SH3BP5L: variants seen among roughly 807,000 people sequenced by gnomAD.
SH3BP5L encodes SH3 domain-binding protein 5-like.
Under a neutral mutation model 40.9 loss-of-function variants are expected in SH3BP5L, and 16 were observed. The observed-to-expected ratio is 0.39, with a 90% CI of 0.27 to 0.59. The LOEUF (loss-of-function observed/expected upper bound fraction) is 0.59, where lower values mean the gene tolerates loss of function less well. Ranked by LOEUF, SH3BP5L falls within the 20% of genes least tolerant of loss-of-function variation. The pLI, the probability that SH3BP5L is intolerant of heterozygous loss-of-function variation, is 0.53. For missense variants in SH3BP5L, 471 were observed against 544.6 expected, an observed-to-expected ratio of 0.86 and a Z score of 1.35; for synonymous variants, 229 against 226.7, an observed-to-expected ratio of 1.01 and a Z score of -0.09.
At chr1:248,825,456 TACACTCTC>T in intron 1 of SH3BP5L, 90 bp from the exon 2 acceptor site, 2 of 905,788 alleles carry the variant, frequency 2.2e-6, no homozygotes, top group South Asian at 9.9e-5. Flanking sequence ...TCCCAAAAAC[TACACTCTC>T]ACCACGCCCC....
In SH3BP5L at chr1:248,824,823, C is replaced by A; in HGVS notation, c.113G>T (p.Gly38Val). 1 of 1,614,230 alleles carries A rather than the reference C, an allele frequency of 6.2e-7. No individual in the cohort carries two copies. The highest frequency in any genetic ancestry group is 8.5e-7 in the Non-Finnish European group (1 of 1,180,042). ...GGCCTCACTGCTGCTGCTTCCACCTCCTCCAGGCTCTTCTGCGACTGGGCT... is the reference window on the plus strand; with the variant it reads ...GGCCTCACTGCTGCTGCTTCCACCTACTCCAGGCTCTTCTGCGACTGGGCT... ...PRSPVAEEPG[G>V]GGSSSSEAKL... Residue 38 changes from glycine (G) to valine (V), a missense_variant, in exon 2 of 7, where the codon GGA becomes GTA. Coordinates refer to ENST00000366472, the MANE Select transcript of SH3BP5L (RefSeq NM_030645.3).
intron 2 of SH3BP5L, among the ~76,000 whole-genome samples, chr1:248,822,789 A>T (rs1664284842): frequency 6.7e-6 from 1 of 150,336 alleles, no homozygotes; most frequent in African/African-American, 2.5e-5. Flanking sequence ...CAACCCCCCA[A>T]GTAGCTGGGA....
At chr1:248,820,786 T>C (rs1664238367) in intron 2 of SH3BP5L, 1 of 152,194 alleles carries the variant, frequency 6.6e-6, no homozygotes, top group African/African-American at 2.4e-5. Context: ...GCAATGTTCA[T>C]GTGGCAAATC....
intron 2 of SH3BP5L, among the ~76,000 whole-genome samples, chr1:248,818,069 C>T (rs1664152995): frequency 6.6e-6 from 1 of 150,940 alleles, no homozygotes; most frequent in Admixed American, 6.6e-5. Context: ...GAGGCTGGGA[C>T]AGGCATGGTG....
At chr1:248,820,997 T>G (rs1183243775) in intron 2 of SH3BP5L, 1 of 152,256 alleles carries the variant, frequency 6.6e-6, no homozygotes, top group African/African-American at 2.4e-5. Flanking sequence ...AGCTTCCCAG[T>G]GGCACCTCCA....
At position 248,816,719 on chromosome 1, in the gene SH3BP5L, T is replaced by C. The variant is rs1262319159; in HGVS notation, c.247-57A>G. The C allele has an allele frequency of 6.2e-6, 10 of 1,613,026 alleles. No homozygotes were observed. In the Admixed American group the frequency reaches 1.0e-4, roughly 16 times the overall value. On this transcript the variant is annotated intron_variant, in intron 3 of 6. Transcript: ENST00000366472. Reference sequence around the variant, plus strand: ...TGTTTGGGTCCCAGCCCCTCTTGTTTCTCAGACACACCCCTCCCACCGCCA... The same window carrying C: ...TGTTTGGGTCCCAGCCCCTCTTGTTCCTCAGACACACCCCTCCCACCGCCA...
At chr1:248,823,067 T>C (rs541227165) in intron 2 of SH3BP5L, among the ~76,000 whole-genome samples, 44 of 152,318 alleles carry the variant, frequency 2.9e-4, no homozygotes, top group African/African-American at 1.0e-3. Context: ...TGACTCTTCC[T>C]ACTACTACCA....
In SH3BP5L at chr1:248,810,820, C is replaced by T. The variant is rs1217392465; in HGVS notation, c.*1080G>A. The T allele has an allele frequency of 6.6e-6, 1 of 152,636 alleles. No homozygotes were observed. The highest frequency in any genetic ancestry group is 2.4e-5 in the African/African-American group (1 of 41,454). The allele number at this position is 152,636 out of a possible 1,614,324, so 9.5% of individuals were successfully genotyped here. A position where few individuals can be genotyped will look rare whatever the true frequency, so the allele number is the denominator to read the frequency against. ...TCCCTGCGGAGGGCAGAACTTTTCA[C>T]CCCAAGCCAACCCCTCCCTGTAACA... On this transcript the variant is annotated 3_prime_UTR_variant, in exon 7 of 7. Transcript: ENST00000366472.
chr1:248,819,334 C>T (rs906795185), intron 2 of SH3BP5L, among the ~76,000 whole-genome samples: 1 of 151,292 alleles, frequency 6.6e-6, no homozygotes, highest in African/African-American at 2.4e-5. Context: ...CTGGGACACA[C>T]TGGAAGAAGA....
rs1012392367 is a variant in SH3BP5L, at chr1:248,811,615, A to G, written c.*285T>C. ...AGCAGAAAGGGAAAGCAAAGGGTCA[A>G]TGCCCTGCAGATCGTGATGAGCTGG... On this transcript the variant is annotated 3_prime_UTR_variant, in exon 7 of 7. Coordinates refer to ENST00000366472, the MANE Select transcript of SH3BP5L (RefSeq NM_030645.3). 2.0e-5 allele frequency: 9 copies of G among 461,530 alleles called. No homozygotes were observed. Among genetic ancestry groups the G allele is most frequent in the Non-Finnish European group, 2.7e-5 (7 of 260,780 alleles). 28.6% of individuals were successfully genotyped at this position (461,530 alleles called of 1,614,324 possible).
At chr1:248,824,562 A>G (rs561452505) in intron 2 of SH3BP5L, among the ~76,000 whole-genome samples, 191 bp downstream of exon 2, 2 of 152,300 alleles carry the variant, frequency 1.3e-5, no homozygotes, top group East Asian at 3.9e-4. Flanking sequence ...TCTGCACTCC[A>G]TCAGCACTTC....
At chr1:248,817,989 T>C (rs1029480653) in intron 2 of SH3BP5L, among the ~76,000 whole-genome samples, 1 of 152,188 alleles carries the variant, frequency 6.6e-6, no homozygotes, top group African/African-American at 2.4e-5. Flanking sequence ...CTTTCTGCAA[T>C]GGCAAAAGGG....
chr1:248,821,525 G>T lies in SH3BP5L; in HGVS notation c.183+3228C>A, dbSNP rs940434915. Among the ~76,000 whole-genome samples the T allele has an allele frequency of 2.0e-5, 3 of 152,114 alleles. No homozygotes were observed. The highest frequency in any genetic ancestry group is 7.2e-5 in the African/African-American group (3 of 41,418). ...AGCTAAACCCATACTTCTAGATGAG[G>T]TCACAGAGGTTGCAAAGTCACCCTA... On this transcript the variant is annotated intron_variant, in intron 2 of 6. Transcript: ENST00000366472. The surrounding 1 kb of genome is among the most constrained non-coding windows in gnomAD (Gnocchi z 4.6).
rs1014460181 is a variant in SH3BP5L at position 248,816,839 on chromosome 1, C to A, written c.229G>T (p.Val77Leu). 11 of 1,614,190 alleles carry A rather than the reference C, an allele frequency of 6.8e-6. No individual in the cohort carries two copies. The highest frequency in any genetic ancestry group is 1.3e-5 in the African/African-American group (1 of 75,050). ...ACACTCACATCCAGCTGTAGTTCCA[C>A]CTGGTTGATCTCCTCGCTGGCCTGG... is the stretch of plus-strand genomic sequence containing the variant. Reference protein sequence around the residue: ...LNQASEEINQVELQLDEARTT... With the variant: ...LNQASEEINQLELQLDEARTT... The change falls in exon 3 of 7, where the codon GTG (valine) becomes TTG (leucine). Residue 77 changes from valine (V) to leucine (L), a missense_variant. Val to Leu is a conservative substitution (Grantham distance 32). Around this residue, in one of 2 missense-constraint regions of SH3BP5L, gnomAD observed 275 missense variants for 370.1 expected, o/e 0.74. Coordinates refer to ENST00000366472, the MANE Select transcript of SH3BP5L (RefSeq NM_030645.3).
At chr1:248,815,128 T>G (rs1664068999) in intron 4 of SH3BP5L, among the ~76,000 whole-genome samples, 1 of 152,106 alleles carries the variant, frequency 6.6e-6, no homozygotes, top group Admixed American at 6.6e-5. Flanking sequence ...TATAAGAAAA[T>G]AAGCTGGGCG....
At position 248,811,835 on chromosome 1, in the gene SH3BP5L, G is replaced by C; in HGVS notation, c.*65C>G. 1 of 1,214,952 alleles carries C rather than the reference G, an allele frequency of 8.2e-7. No individual in the cohort carries two copies. The highest frequency in any genetic ancestry group is 1.1e-6 in the Non-Finnish European group (1 of 887,418). The allele number at this position is 1,214,952 out of a possible 1,614,324, so 75.3% of individuals were successfully genotyped here. On this transcript the variant is annotated 3_prime_UTR_variant, in exon 7 of 7. Coordinates refer to ENST00000366472, the MANE Select transcript of SH3BP5L (RefSeq NM_030645.3). ...GACGAGGCCCCAGAGGAGAGGGCGT[G>C]AGAAGACTGTGGGCCCCAACCGGCC...
rs1664115044 is a variant in SH3BP5L at position 248,816,682 on chromosome 1, A to T, written c.247-20T>A. ...GGCCTCCTGGAAAGGAACAAGGCAGAGGAAAGGCACATGTTTGGGTCCCAG... is the reference window on the plus strand; with the variant it reads ...GGCCTCCTGGAAAGGAACAAGGCAGTGGAAAGGCACATGTTTGGGTCCCAG... On this transcript the variant is annotated intron_variant, in intron 3 of 6. Coordinates refer to ENST00000366472, the MANE Select transcript of SH3BP5L (RefSeq NM_030645.3). 1 of 1,614,030 alleles carries T rather than the reference A, an allele frequency of 6.2e-7. No homozygotes were observed.
rs766314992 is a variant in SH3BP5L, at chr1:248,813,037, C to G, written c.663G>C (p.Lys221Asn). ...LQKTLRRAIG[K>N]SRPYFELKAQ... ...CCTTGAGCTCAAAGTAGGGGCGGCT[C>G]TTGCCGATGGCCCTCCGGAGGGTCT... Residue 221 changes from lysine (K) to asparagine (N), a missense_variant, in exon 6 of 7, where the codon AAG becomes AAC. Physicochemically the swap from Lys to Asn is moderately conservative, Grantham distance 94. This residue lies in a region of SH3BP5L where 275 missense variants were observed against 370.1 expected (regional missense o/e 0.74). Coordinates refer to ENST00000366472, the MANE Select transcript of SH3BP5L (RefSeq NM_030645.3). 6.2e-7 allele frequency: 1 copy of G among 1,609,062 alleles called. No individual in the cohort carries two copies. The highest frequency in any genetic ancestry group is 8.5e-7 in the Non-Finnish European group (1 of 1,176,730).
Position 248,814,596 on chromosome 1 carries a change from T to C in SH3BP5L, c.390A>G (p.Thr130=). The change falls in exon 5 of 7, where the codon ACA becomes ACG. Residue 130 remains threonine, a synonymous_variant. Coordinates refer to ENST00000366472, the MANE Select transcript of SH3BP5L (RefSeq NM_030645.3). ...RRLAKEAQQE[T]QKAALRYERA... ...GCTCGTACCGCAGCGCTGCCTTCTG[T>C]GTCTCCTGCTGAGCCTGGGGGGAGA... The C allele has an allele frequency of 6.2e-7, 1 of 1,614,164 alleles. No individual in the cohort carries two copies. The highest frequency in any genetic ancestry group is 1.7e-5 in the Admixed American group (1 of 60,012).
Sources: gnomAD v4.1 joint callset for allele counts (sites outside exome capture counted in the v4.1 genomes callset) on GRCh38, gnomAD v4.1.1 for gene constraint, gnomAD v4.1.1 regional missense constraint, Gnocchi (gnomAD v3.1) non-coding constraint, MANE v1.5 for transcripts, NCBI Gene and HGNC (gene_info 2026-07-23, HGNC 2026-07-21) for gene names.